The following PADI3 variants were observed in gnomAD, a reference collection of about 807,000 sequenced individuals.
PADI3 encodes peptidyl arginine deiminase 3.
A neutral mutation model predicts 71.5 loss-of-function variants in PADI3; 53 were observed. That is an observed-to-expected ratio of 0.74 (90% confidence interval 0.59 to 0.93). The LOEUF is 0.93. PADI3 is among the 40% of genes least tolerant of loss of function. PADI3 has a pLI of 0.00. For synonymous variants in PADI3, 361 were observed against 347.5 expected (o/e 1.04, Z -0.43); for missense variants, 821 against 868.0 (o/e 0.95, Z 0.68).
In PADI3 at chr1:17,270,338, G is replaced by A. The variant is rs374284289; in HGVS notation, c.758G>A (p.Gly253Asp). 1.2e-6 allele frequency: 2 copies of A among 1,614,014 alleles called. No homozygotes were observed. Among genetic ancestry groups the A allele is most frequent in the Non-Finnish European group, 8.5e-7 (1 of 1,179,998 alleles). Residue 253 changes from glycine (G) to aspartate (D), a missense_variant, in exon 7 of 16, where the codon GGC (glycine) becomes GAC (aspartate). Coordinates refer to ENST00000375460, the MANE Select transcript of PADI3 (RefSeq NM_016233.2). ...GATGAGGAGCGCTTCTTCGTGGAAG[G>A]CCTGTCCTTCCCTGATGCCGGCTTC... ...HGDEERFFVE[G>D]LSFPDAGFTG...
At chr1:17,266,577 C>G (rs1002985643) in intron 4 of PADI3, 142 bp from the exon 5 acceptor site, 24 of 704,234 alleles carry the variant, frequency 3.4e-5, no homozygotes, top group Non-Finnish European at 5.4e-5. Flanking sequence ...TTGCCATTGA[C>G]ATGTCTTGAG....
At chr1:17,255,247 C>A (rs945095161) in intron 1 of PADI3, among the ~76,000 whole-genome samples, 3 of 152,206 alleles carry the variant, frequency 2.0e-5, no homozygotes, top group Non-Finnish European at 4.4e-5. Flanking sequence ...CCAGGAACAG[C>A]CTTAGTCCCA....
intron 1 of PADI3, among the ~76,000 whole-genome samples, chr1:17,256,395 T>C (rs1569879345): frequency 6.6e-6 from 1 of 152,248 alleles, no homozygotes; most frequent in South Asian, 2.1e-4. Flanking sequence ...ACCTAATTCT[T>C]GACTCTGGTC....
At chr1:17,262,494 T>C (rs2073115598) in intron 3 of PADI3, among the ~76,000 whole-genome samples, 2 of 152,204 alleles carry the variant, frequency 1.3e-5, no homozygotes, top group African/African-American at 2.4e-5. Flanking sequence ...AATGGATACA[T>C]AAACTCCGTG....
rs901442992 is a variant in PADI3, at chr1:17,268,040, T to C, written c.652+78T>C. On this transcript the variant is annotated intron_variant, in intron 6 of 15. Transcript: ENST00000375460. The stretch of plus-strand genomic sequence containing the variant: ...ACCAGGGAACCTCCTGTTCCTGCCT[T>C]GGGCCATGGGCAGGTCCTGCTTACA... The C allele has an allele frequency of 2.6e-6, 4 of 1,547,534 alleles. No individual in the cohort carries two copies. In the African/African-American group the frequency reaches 4.1e-5, roughly 16 times the overall value.
chr1:17,265,806 A>T (rs2073160884), intron 4 of PADI3, 86 bp downstream of exon 4: 11 of 1,176,450 alleles, frequency 9.4e-6, no homozygotes, highest in Non-Finnish European at 1.4e-5. Context: ...GCCATTACAG[A>T]TATCCCCCTG....
chr1:17,264,821 G>A (rs369472492), intron 3 of PADI3, among the ~76,000 whole-genome samples: 4 of 152,132 alleles, frequency 2.6e-5, no homozygotes, highest in African/African-American at 9.6e-5. Flanking sequence ...GACCAGCCTA[G>A]GCAACATGGT....
In PADI3 at chr1:17,276,663, G is replaced by A. The variant is rs2073336147; in HGVS notation, c.1452G>A (p.Lys484=). Residue 484 remains lysine, a splice_region_variant and synonymous_variant, in exon 12 of 16, where the codon AAG becomes AAA. Transcript: ENST00000375460. ...FLSFVPAPDG[K]GFRMLLASPG... Reference sequence around the variant, plus strand: ...GCTTTGTCCCTGCCCCCGATGGGAAGGTAAGAACTTCGTGCATGACGTGTC... The same window carrying A: ...GCTTTGTCCCTGCCCCCGATGGGAAAGTAAGAACTTCGTGCATGACGTGTC... 1 of 1,614,066 alleles carries A rather than the reference G, an allele frequency of 6.2e-7. No individual in the cohort carries two copies. The highest frequency in any genetic ancestry group is 8.5e-7 in the Non-Finnish European group (1 of 1,180,010).
chr1:17,277,906 T>G (rs2073355503), intron 13 of PADI3: 1 of 154,542 alleles, frequency 6.5e-6, no homozygotes, highest in Non-Finnish European at 1.5e-5. Flanking sequence ...TGCCTTGGCT[T>G]GGGGTGGCAG....
rs1160016432 is a variant in PADI3, at chr1:17,265,812, C to G, written c.408+92C>G. 4.5e-6 allele frequency: 5 copies of G among 1,112,124 alleles called. No individual in the cohort carries two copies. The East Asian group carries it at 9.5e-5, about 21-fold the overall frequency. 68.9% of individuals were successfully genotyped at this position (1,112,124 alleles called of 1,614,324 possible). The stretch of plus-strand genomic sequence containing the variant: ...AAGGATGAGGCCATTACAGATATCC[C>G]CCTGCCTCCCAGCTGATGCCGAGAC... On this transcript the variant is annotated intron_variant, in intron 4 of 15. Transcript: ENST00000375460.
intron 5 of PADI3, 50 bp from the exon 6 acceptor site, chr1:17,267,787 C>G: frequency 3.1e-6 from 5 of 1,601,552 alleles, no homozygotes; most frequent in Non-Finnish European, 4.3e-6. Flanking sequence ...GAGGAAGGGG[C>G]CAGGGGCCAG....
chr1:17,281,681 G>C (rs1484044137), intron 15 of PADI3, among the ~76,000 whole-genome samples: 1 of 152,168 alleles, frequency 6.6e-6, no homozygotes, highest in Non-Finnish European at 1.5e-5. Flanking sequence ...TTGAGCTCCT[G>C]ACCTCCGGTG....
At chr1:17,264,249 A>G (rs1291771024) in intron 3 of PADI3, among the ~76,000 whole-genome samples, 1 of 152,174 alleles carries the variant, frequency 6.6e-6, no homozygotes, top group African/African-American at 2.4e-5. Context: ...CCAAATACAT[A>G]CACACATGAT....
intron 4 of PADI3, 72 bp downstream of exon 4, chr1:17,265,792 TG>T: frequency 1.5e-6 from 2 of 1,370,994 alleles, no homozygotes; most frequent in Admixed American, 3.4e-5. Context: ...TTAAGAAGGA[TG>T]AGGCCATTAC....
At chr1:17,249,939 G>A (rs533848069) in intron 1 of PADI3, among the ~76,000 whole-genome samples, 1 of 152,194 alleles carries the variant, frequency 6.6e-6, no homozygotes, top group Admixed American at 6.5e-5. Context: ...GGAAAATAAA[G>A]ATTTCCAACC....
chr1:17,267,838 C>T lies in PADI3; in HGVS notation c.528C>T (p.Asp176=). The T allele has an allele frequency of 6.2e-7, 1 of 1,613,672 alleles. No individual in the cohort carries two copies. The highest frequency in any genetic ancestry group is 8.5e-7 in the Non-Finnish European group (1 of 1,180,038). ...CTACCACTCTGTCTGGCTTCACAGA[C>T]CTGGAAGACATGTCTGTCATGGTCC... is the stretch of plus-strand genomic sequence containing the variant. ...NCDQHVHCLQ[D]LEDMSVMVLR... is the part of the protein sequence containing the mutation. The change falls in exon 6 of 16, where the codon GAC becomes GAT. Residue 176 remains aspartate (D), a splice_region_variant and synonymous_variant. Coordinates refer to ENST00000375460, the MANE Select transcript of PADI3 (RefSeq NM_016233.2).
At chr1:17,264,055 T>C (rs905065009) in intron 3 of PADI3, among the ~76,000 whole-genome samples, 14 of 152,216 alleles carry the variant, frequency 9.2e-5, no homozygotes, top group African/African-American at 2.2e-4. Context: ...TTTAACTTGA[T>C]AGATATTGCC....
At chr1:17,280,936 T>C in intron 15 of PADI3, 140 bp downstream of exon 15, 2 of 1,080,066 alleles carry the variant, frequency 1.9e-6, no homozygotes, top group Non-Finnish European at 2.7e-6. Flanking sequence ...GGTCCTATGG[T>C]GCTCCTCAGA....
chr1:17,276,726 C>T lies in PADI3; in HGVS notation c.1453-48C>T, dbSNP rs375139870. The T allele has an allele frequency of 2.7e-5, 43 of 1,613,362 alleles. 1 individual carries two copies. The highest frequency in any genetic ancestry group is 6.7e-5 in the East Asian group (3 of 44,888). On this transcript the variant is annotated intron_variant, in intron 12 of 15. Coordinates refer to ENST00000375460, the MANE Select transcript of PADI3 (RefSeq NM_016233.2). Reference sequence around the variant, plus strand: ...CTGGGGCAAGAACTGAGCTCCAGGGCGCCATGCCAAGGCAGGAGGCTCAGC... The same window carrying T: ...CTGGGGCAAGAACTGAGCTCCAGGGTGCCATGCCAAGGCAGGAGGCTCAGC...
Sources: allele counts gnomAD v4.1 joint callset (sites outside exome capture counted in the v4.1 genomes callset), GRCh38; gene constraint gnomAD v4.1.1; transcripts MANE v1.5; gene names NCBI Gene and HGNC (gene_info 2026-07-23, HGNC 2026-07-21).